PHACTR2: variants seen among roughly 807,000 people sequenced by gnomAD.
The protein encoded by PHACTR2 is chromosome 6 open reading frame 56.
PHACTR2 carries 30 observed loss-of-function variants against 76.0 expected under a neutral mutation model. That is an observed-to-expected ratio of 0.39 (90% confidence interval 0.30 to 0.54). PHACTR2 has a LOEUF of 0.54. PHACTR2 is among the 20% of genes least tolerant of loss of function. PHACTR2 has a pLI of 0.61. For missense variants in PHACTR2, 696 were observed against 781.1 expected (o/e 0.89, Z 1.30); for synonymous variants, 292 against 292.5 (o/e 1.00, Z 0.02).
chr6:143,815,894 GAA>G (rs11310299), intron 12 of PHACTR2, among the ~76,000 whole-genome samples: 3,185 of 129,344 alleles, frequency 0.025, 100 homozygotes, highest in African/African-American at 0.079. Context: ...TCTGTCTCAA[GAA>G]AAAAAAAAAA....
At position 143,755,738 on chromosome 6, in the gene PHACTR2, C is replaced by G. The variant is rs1281780295; in HGVS notation, c.454+1826C>G. On this transcript the variant is annotated intron_variant, in intron 4 of 12. Coordinates refer to ENST00000440869, the MANE Select transcript of PHACTR2 (RefSeq NM_001100164.2). This position sits in a 1 kb window ranked among gnomAD's most constrained non-coding sequence, Gnocchi z 5.2. The stretch of plus-strand genomic sequence containing the variant: ...TCTCCTGTGTGGAAAGTGCACACAC[C>G]AAAGCCACAAGGAGAAGCGCTAGGT... 6.6e-6 allele frequency among the ~76,000 whole-genome samples: 1 copy of G among 152,052 alleles called. No individual in the cohort carries two copies. Among genetic ancestry groups the G allele is most frequent in the Non-Finnish European group, 1.5e-5 (1 of 68,032 alleles).
At chr6:143,567,677 G>A (rs1273313847) in intron 1 of PHACTR2, among the ~76,000 whole-genome samples, 1 of 152,216 alleles carries the variant, frequency 6.6e-6, no homozygotes, top group Non-Finnish European at 1.5e-5. Context: ...GGGATTACAG[G>A]CGTGAGCCAC....
chr6:143,584,378 T>A (rs1282833405), intron 1 of PHACTR2, among the ~76,000 whole-genome samples: 1 of 152,180 alleles, frequency 6.6e-6, no homozygotes, highest in Admixed American at 6.5e-5. Flanking sequence ...GCTTAGCTAC[T>A]CAGGGGGACT....
intron 1 of PHACTR2, among the ~76,000 whole-genome samples, chr6:143,552,370 C>G (rs1253499996): frequency 6.6e-6 from 1 of 152,048 alleles, no homozygotes; most frequent in African/African-American, 2.4e-5. Flanking sequence ...AGAATGAAAA[C>G]CCAGAGAGTC....
intron 2 of PHACTR2, among the ~76,000 whole-genome samples, chr6:143,721,839 G>A (rs1374678646): frequency 6.6e-6 from 1 of 152,096 alleles, no homozygotes; most frequent in Non-Finnish European, 1.5e-5. Flanking sequence ...GTGTGTGCTA[G>A]GGACATGGTC....
chr6:143,673,672 G>A (rs1472221876), upstream of PHACTR2, among the ~76,000 whole-genome samples: 5 of 151,950 alleles, frequency 3.3e-5, no homozygotes, highest in South Asian at 6.2e-4. Flanking sequence ...AATTACAGAC[G>A]CTTTTCCTCC....
Position 143,775,951 on chromosome 6 carries a change from C to T in PHACTR2, c.1590-1377C>T, listed in dbSNP as rs1775263845. 6.6e-6 allele frequency among the ~76,000 whole-genome samples: 1 copy of T among 151,896 alleles called. No homozygotes were observed. Among genetic ancestry groups the T allele is most frequent in the African/African-American group, 2.4e-5 (1 of 41,330 alleles). On this transcript the variant is annotated intron_variant, in intron 8 of 12. Coordinates refer to ENST00000440869, the MANE Select transcript of PHACTR2 (RefSeq NM_001100164.2). The surrounding 1 kb of genome is among the most constrained non-coding windows in gnomAD (Gnocchi z 4.4). The stretch of plus-strand genomic sequence containing the variant: ...TTCAAGACCGGCCTGGCCAACATGG[C>T]GAAATACCGTTTCTACTAAAAATAC...
In PHACTR2 at chr6:143,554,427, C is replaced by G. The variant is rs1775138943; in HGVS notation, c.217+17220C>G. On this transcript the variant is annotated intron_variant, in intron 1 of 11. Transcript: ENST00000367584. This position sits in a 1 kb window ranked among gnomAD's most constrained non-coding sequence, Gnocchi z 5.9. ...TCGGGGAGTGGGATTGGGCTCAACT[C>G]TGAATGTAACAGGGAAAATAACTTA... 1 of 152,094 alleles carries G rather than the reference C, an allele frequency of 6.6e-6. No individual in the cohort carries two copies. The highest frequency in any genetic ancestry group is 1.5e-5 in the Non-Finnish European group (1 of 68,032). 9.4% of individuals were successfully genotyped at this position (152,094 alleles called of 1,614,324 possible).
rs1776623993 is a variant in PHACTR2, at chr6:143,829,820, A to C, written c.*6131A>C. 6.6e-6 allele frequency: 1 copy of C among 152,196 alleles called. No individual in the cohort carries two copies. Among genetic ancestry groups the C allele is most frequent in the Non-Finnish European group, 1.5e-5 (1 of 68,032 alleles). The allele number at this position is 152,196 out of a possible 1,614,324, so 9.4% of individuals were successfully genotyped here. On this transcript the variant is annotated 3_prime_UTR_variant, in exon 13 of 13. Coordinates refer to ENST00000440869, the MANE Select transcript of PHACTR2 (RefSeq NM_001100164.2). ...AGTCAATAAAGGTGGTTATATTGTA[A>C]GCTTTTAGATGGTGCTTAAGAATTC...
In PHACTR2 at chr6:143,646,257, G is replaced by A. The variant is rs1776658088; in HGVS notation, c.13+37935G>A. 1.3e-5 allele frequency among the ~76,000 whole-genome samples: 2 copies of A among 152,100 alleles called. No homozygotes were observed. The highest frequency in any genetic ancestry group is 2.1e-4 in the South Asian group (1 of 4,828). ...TTATTTTCATTGTTAGAGTGTCTAT[G>A]TCTATGTCAGTAATTGGGATTATTT... On this transcript the variant is annotated intron_variant, in intron 1 of 11. Transcript: ENST00000305766. The surrounding 1 kb of genome is among the most constrained non-coding windows in gnomAD (Gnocchi z 4.1).
At position 143,557,549 on chromosome 6, in the gene PHACTR2, C is replaced by T. The variant is rs984649347; in HGVS notation, c.217+20342C>T. The T allele has an allele frequency of 1.3e-5, 2 of 152,176 alleles. No individual in the cohort carries two copies. The highest frequency in any genetic ancestry group is 1.5e-5 in the Non-Finnish European group (1 of 68,066). 9.4% of individuals were successfully genotyped at this position (152,176 alleles called of 1,614,324 possible). ...GGTATACCTTCCTGCTAAGATGGCT[C>T]ACCCTCACCACACAGGGTCTCGATT... On this transcript the variant is annotated intron_variant, in intron 1 of 11. Transcript: ENST00000367584. This position sits in a 1 kb window ranked among gnomAD's most constrained non-coding sequence, Gnocchi z 5.5.
intron 10 of PHACTR2, among the ~76,000 whole-genome samples, chr6:143,786,442 C>T (rs767988480): frequency 2.0e-5 from 3 of 152,202 alleles, no homozygotes; most frequent in Non-Finnish European, 2.9e-5. Flanking sequence ...CCACCTTTTC[C>T]TATCTTCTTC....
rs1195946052 is a variant in PHACTR2 at position 143,647,336 on chromosome 6, C to T, written c.13+39014C>T. Among the ~76,000 whole-genome samples the T allele has an allele frequency of 1.3e-5, 2 of 152,172 alleles. No homozygotes were observed. Among genetic ancestry groups the T allele is most frequent in the Non-Finnish European group, 2.9e-5 (2 of 68,036 alleles). ...GTAATAACAAGATTCAAAATCAAAA[C>T]AACCTGACCCTGAAACCCTCCTGTT... is the stretch of plus-strand genomic sequence containing the variant. On this transcript the variant is annotated intron_variant, in intron 1 of 11. Coordinates refer to the PHACTR2 transcript ENST00000305766. The surrounding 1 kb of genome is among the most constrained non-coding windows in gnomAD (Gnocchi z 4.2).
At chr6:143,796,235 T>C (rs375418093) in intron 11 of PHACTR2, among the ~76,000 whole-genome samples, 1 of 152,286 alleles carries the variant, frequency 6.6e-6, no homozygotes, top group African/African-American at 2.4e-5. Context: ...TTGAACTTGA[T>C]TGATGAGTAG....
chr6:143,573,744 T>C (rs1010860832), intron 1 of PHACTR2, among the ~76,000 whole-genome samples: 3 of 152,236 alleles, frequency 2.0e-5, no homozygotes, highest in African/African-American at 7.2e-5. Flanking sequence ...TATGATGTCC[T>C]TGAAACTGTG....
chr6:143,781,781 G>GT (rs1283423963), intron 9 of PHACTR2, among the ~76,000 whole-genome samples: 1 of 152,188 alleles, frequency 6.6e-6, no homozygotes, highest in Non-Finnish European at 1.5e-5. Flanking sequence ...AAACCCTAGA[G>GT]TACTTTCATA....
At position 143,772,265 on chromosome 6, in the gene PHACTR2, A is replaced by G. The variant is rs919152563; in HGVS notation, c.1240A>G (p.Thr414Ala). Residue 414 changes from threonine to alanine, a missense_variant, in exon 7 of 13, where the codon ACC becomes GCC. Physicochemically the swap from Thr to Ala is moderately conservative, Grantham distance 58. Coordinates refer to ENST00000440869, the MANE Select transcript of PHACTR2 (RefSeq NM_001100164.2). This position sits in a 1 kb window ranked among gnomAD's most constrained non-coding sequence, Gnocchi z 5.4. ...VNRENAKCFT[T>A]KEELGKTVPQ... is the part of the protein sequence containing the mutation. ...CTTTTCTGCCTTTAACAGTTTCACA[A>G]CCAAAGAGGAGCTGGGGAAGACAGT... is the stretch of plus-strand genomic sequence containing the variant. 5 of 1,613,156 alleles carry G rather than the reference A, an allele frequency of 3.1e-6. No homozygotes were observed. The East Asian group carries it at 8.9e-5, about 29-fold the overall frequency.
Position 143,663,475 on chromosome 6 carries a change from T to C in PHACTR2, c.14-48541T>C, listed in dbSNP as rs927362809. ...TTCTTTTTTCTTTTCTTTCCCTTTT[T>C]AGCTTTATCATTTAATATTGACCTA... On this transcript the variant is annotated intron_variant, in intron 1 of 11. Coordinates refer to the PHACTR2 transcript ENST00000305766. The surrounding 1 kb of genome is among the most constrained non-coding windows in gnomAD (Gnocchi z 4.1). Among the ~76,000 whole-genome samples, 1 of 152,204 alleles carries C rather than the reference T, an allele frequency of 6.6e-6. No homozygotes were observed. Among genetic ancestry groups the C allele is most frequent in the African/African-American group, 2.4e-5 (1 of 41,460 alleles).
In PHACTR2 at chr6:143,573,696, T is replaced by C. The variant is rs1415429783; in HGVS notation, c.217+36489T>C. Among the ~76,000 whole-genome samples, 5 of 152,310 alleles carry C rather than the reference T, an allele frequency of 3.3e-5. No homozygotes were observed. In the South Asian group the frequency reaches 8.3e-4, roughly 25 times the overall value. On this transcript the variant is annotated intron_variant, in intron 1 of 11. Transcript: ENST00000367584. ...TTATTTGTCCCTGTGTTGGCACTTATCTTAGTTAATTATGTGGCTGTTTTT... is the reference window on the plus strand; with the variant it reads ...TTATTTGTCCCTGTGTTGGCACTTACCTTAGTTAATTATGTGGCTGTTTTT...
Sources: gnomAD v4.1 joint callset for allele counts (sites outside exome capture counted in the v4.1 genomes callset) on GRCh38, gnomAD v4.1.1 for gene constraint, Gnocchi (gnomAD v3.1) non-coding constraint, MANE v1.5 for transcripts, NCBI Gene and HGNC (gene_info 2026-07-23, HGNC 2026-07-21) for gene names.